The following TCF20 variants were observed in gnomAD, a reference collection of about 807,000 sequenced individuals.
TCF20 encodes transcription factor 20.
In TCF20, 3 loss-of-function variants were observed where a neutral mutation model predicts 148.6. That is an observed-to-expected ratio of 0.02 (90% CI 0.01 to 0.05). The LOEUF is 0.05. Among genes scored for constraint, TCF20 ranks in the 10% least tolerant of loss-of-function variants. TCF20 has a pLI of 1.00. For missense variants in TCF20, 2,350 were observed against 2,429.3 expected (o/e 0.97, Z 0.69); for synonymous variants, 1,049 against 909.5 (o/e 1.15, Z -2.76).
intron 1 of TCF20, among the ~76,000 whole-genome samples, chr22:42,224,534 CAAAAAAAAAAA>C (rs66858906): frequency 0.017 from 679 of 39,608 alleles, 12 homozygotes; most frequent in African/African-American, 0.051. Context: ...AAAGCTGGTA[CAAAAAAAAAAA>C]AAAAAAAAAA....
chr22:42,205,764 G>A (rs903504912), intron 2 of TCF20, among the ~76,000 whole-genome samples: 7 of 152,184 alleles, frequency 4.6e-5, no homozygotes, highest in South Asian at 2.1e-4. Flanking sequence ...GAGACAACAA[G>A]CCTAACTTTT....
At chr22:42,242,267 G>C (rs1445002466) in intron 1 of TCF20, among the ~76,000 whole-genome samples, 1 of 149,552 alleles carries the variant, frequency 6.7e-6, no homozygotes, top group African/African-American at 2.5e-5. Context: ...ATGTATCCCT[G>C]TATGGGTGGA....
chr22:42,309,413 G>T (rs1265040159), intron 1 of TCF20, among the ~76,000 whole-genome samples: 2 of 151,984 alleles, frequency 1.3e-5, no homozygotes, highest in Non-Finnish European at 2.9e-5. Context: ...ACCCCGCCAG[G>T]CCCCAGTGCC....
rs1453410574 is a variant in TCF20, at chr22:42,331,258, G to GCCA, written c.-37+12218_-37+12220dup. On this transcript the variant is annotated intron_variant, in intron 1 of 1. Coordinates refer to the TCF20 transcript ENST00000515426. ...TGGCTGACAAGCCGCTAAGCCACGA[G>GCCA]CCACCGGGTGCTGCACAGCTCCCGG... 2.0e-5 allele frequency among the ~76,000 whole-genome samples: 3 copies of GCCA among 152,168 alleles called. No individual in the cohort carries two copies. The East Asian group carries it at 5.8e-4, about 29-fold the overall frequency.
intron 2 of TCF20, among the ~76,000 whole-genome samples, chr22:42,191,478 G>A (rs1937332868): frequency 6.6e-6 from 1 of 151,984 alleles, no homozygotes; most frequent in Non-Finnish European, 1.5e-5. Context: ...TAGTAGAGAC[G>A]GGGTTTCACC....
chr22:42,263,778 CTTT>C (rs1475052033), intron 1 of TCF20, among the ~76,000 whole-genome samples: 1 of 152,130 alleles, frequency 6.6e-6, no homozygotes, highest in Non-Finnish European at 1.5e-5. Flanking sequence ...ACTACATAGG[CTTT>C]TTCCTAAGCG....
chr22:42,161,170 T>A lies in TCF20; in HGVS notation c.*233A>T. On this transcript the variant is annotated 3_prime_UTR_variant, in exon 6 of 6. Coordinates refer to ENST00000677622, the MANE Select transcript of TCF20 (RefSeq NM_001378418.1). The stretch of plus-strand genomic sequence containing the variant: ...GAGATTGTGTCCATGGAAACAGCCA[T>A]TCCAACGTCTTGGGTCTTTCTTTCC... 1.0e-5 allele frequency: 4 copies of A among 388,818 alleles called. No individual in the cohort carries two copies. The highest frequency in any genetic ancestry group is 9.7e-5 in the East Asian group (1 of 10,296). The allele number at this position is 388,818 out of a possible 1,614,324, so 24.1% of individuals were successfully genotyped here. A position where few individuals can be genotyped will look rare whatever the true frequency, so the allele number is the denominator to read the frequency against.
At position 42,212,493 on chromosome 22, in the gene TCF20, G is replaced by A. The variant is rs746037442; in HGVS notation, c.2813C>T (p.Ser938Phe). 1.2e-6 allele frequency: 2 copies of A among 1,614,090 alleles called. No individual in the cohort carries two copies. Among genetic ancestry groups the A allele is most frequent in the African/African-American group, 1.3e-5 (1 of 74,936 alleles). The change falls in exon 2 of 6, where the codon TCT (serine) becomes TTT (phenylalanine). Residue 938 changes from serine (S) to phenylalanine (F), a missense_variant. By Grantham distance (155) the Ser-to-Phe change is radical. Around this residue, in one of 7 missense-constraint regions of TCF20, gnomAD observed 1,641 missense variants for 1,662.6 expected, o/e 0.99. Coordinates refer to ENST00000677622, the MANE Select transcript of TCF20 (RefSeq NM_001378418.1). ...TTTCTTGTTGTTGAAACTAGCTTGA[G>A]ATTTAGACTGTTCAAAGTCTTCCTC... Reference protein sequence around the residue: ...IKEEDFEQSKSQASFNNKKSG... With the variant: ...IKEEDFEQSKFQASFNNKKSG...
intron 5 of TCF20, among the ~76,000 whole-genome samples, chr22:42,167,260 C>A (rs1227792111): frequency 6.6e-5 from 10 of 152,194 alleles, no homozygotes; most frequent in Admixed American, 3.9e-4. Flanking sequence ...CAGCAGCCCC[C>A]ACTTGACTTC....
chr22:42,197,047 C>T (rs751651082), intron 2 of TCF20, among the ~76,000 whole-genome samples: 6 of 152,206 alleles, frequency 3.9e-5, no homozygotes, highest in Non-Finnish European at 7.3e-5. Context: ...ACCAGGTTTA[C>T]GTGGACAGCA....
At chr22:42,207,609 A>C (rs1938475275) in intron 2 of TCF20, among the ~76,000 whole-genome samples, 1 of 151,908 alleles carries the variant, frequency 6.6e-6, no homozygotes, top group Non-Finnish European at 1.5e-5. Flanking sequence ...TGAGGTCAGG[A>C]GCTCGAGACC....
At chr22:42,318,105 A>G (rs1927666128) in intron 1 of TCF20, among the ~76,000 whole-genome samples, 1 of 152,148 alleles carries the variant, frequency 6.6e-6, no homozygotes, top group Non-Finnish European at 1.5e-5. Context: ...CCAACGGGGC[A>G]CCACAGGCCC....
At chr22:42,312,218 G>T (rs1927548815) in intron 1 of TCF20, among the ~76,000 whole-genome samples, 1 of 152,228 alleles carries the variant, frequency 6.6e-6, no homozygotes, top group Admixed American at 6.5e-5. Context: ...CAGCTGTGGG[G>T]ATTACAGCAG....
chr22:42,215,143 T>G lies in TCF20; in HGVS notation c.163A>C (p.Ser55Arg), dbSNP rs756722133. ...GGSSGSSGSG[S>R]GGGRRGAAAA... Reference sequence around the variant, plus strand: ...GCTGCTCCTCGTCGTCCACCACCACTGCCACTGCCACTGCTGCCACTACTG... The same window carrying G: ...GCTGCTCCTCGTCGTCCACCACCACGGCCACTGCCACTGCTGCCACTACTG... Residue 55 changes from serine to arginine, a missense_variant, in exon 2 of 6, where the codon AGT becomes CGT. This residue lies in a region of TCF20 where 1,641 missense variants were observed against 1,662.6 expected (regional missense o/e 0.99). Coordinates refer to ENST00000677622, the MANE Select transcript of TCF20 (RefSeq NM_001378418.1). The G allele has an allele frequency of 6.2e-7, 1 of 1,606,698 alleles. No homozygotes were observed. The highest frequency in any genetic ancestry group is 1.3e-5 in the African/African-American group (1 of 74,862).
chr22:42,264,145 T>C (rs1307370063), intron 1 of TCF20, among the ~76,000 whole-genome samples: 2 of 151,912 alleles, frequency 1.3e-5, no homozygotes, highest in African/African-American at 4.8e-5. Context: ...GTTCCCTCCC[T>C]TGCCAGAGCC....
At chr22:42,257,702 T>C (rs984665949) in intron 1 of TCF20, among the ~76,000 whole-genome samples, 3 of 152,322 alleles carry the variant, frequency 2.0e-5, no homozygotes, top group Admixed American at 6.5e-5. Flanking sequence ...AAAAATCTTA[T>C]GTTGATATAC....
At chr22:42,275,996 A>G (rs1219929322) in intron 1 of TCF20, among the ~76,000 whole-genome samples, 2 of 152,154 alleles carry the variant, frequency 1.3e-5, no homozygotes, top group African/African-American at 2.4e-5. Context: ...CTGACAGGCT[A>G]CAGGGCCCCT....
intron 2 of TCF20, among the ~76,000 whole-genome samples, chr22:42,199,442 T>C (rs1009706549): frequency 6.6e-6 from 1 of 152,030 alleles, no homozygotes; most frequent in African/African-American, 2.4e-5. Context: ...ACTGAGGAAA[T>C]AGGGTACAAC....
At chr22:42,201,165 G>GT (rs576340762) in intron 2 of TCF20, among the ~76,000 whole-genome samples, 94 of 152,310 alleles carry the variant, frequency 6.2e-4, no homozygotes, top group African/African-American at 2.2e-3. Flanking sequence ...CTCCATGACT[G>GT]TAAGTTTCCT....
Sources: allele counts gnomAD v4.1 joint callset (sites outside exome capture counted in the v4.1 genomes callset), GRCh38; gene constraint gnomAD v4.1.1; regional missense constraint gnomAD v4.1.1; transcripts MANE v1.5; gene names NCBI Gene and HGNC (gene_info 2026-07-23, HGNC 2026-07-21).